UGT8: variants seen among roughly 807,000 people sequenced by gnomAD.
UGT8 encodes 2-hydroxyacylsphingosine 1-beta-galactosyltransferase.
In UGT8, 12 loss-of-function variants were observed where a neutral mutation model predicts 40.5. The ratio of observed to expected loss-of-function variants is 0.30; its 90% CI spans 0.19 to 0.48. The LOEUF (loss-of-function observed/expected upper bound fraction) is 0.48. Ranked by LOEUF, UGT8 falls within the 20% of genes least tolerant of loss-of-function variation. The pLI is 0.99. For synonymous variants in UGT8, 224 were observed against 240.4 expected (o/e 0.93, Z 0.63); for missense variants, 513 against 648.7 (o/e 0.79, Z 2.27).
chr4:114,664,387 A>G (rs2126132735), intron 3 of UGT8, among the ~76,000 whole-genome samples: 1 of 152,334 alleles, frequency 6.6e-6, no homozygotes, highest in East Asian at 1.9e-4. Flanking sequence ...TCCTTGTGTC[A>G]GATGCATACT....
At chr4:114,662,742 A>G (rs777570451) in intron 2 of UGT8, among the ~76,000 whole-genome samples, 1 of 151,658 alleles carries the variant, frequency 6.6e-6, no homozygotes, top group Admixed American at 6.6e-5. Flanking sequence ...GAAAAAGGGA[A>G]AGGAAGGAAA....
intron 2 of UGT8, among the ~76,000 whole-genome samples, chr4:114,634,301 A>T (rs558350963): frequency 9.2e-5 from 14 of 152,328 alleles, no homozygotes; most frequent in Non-Finnish European, 1.9e-4. Context: ...TCAAAAGTCA[A>T]ATTGATGTTT....
rs147646379 is a variant in UGT8 at position 114,645,057 on chromosome 4, C to A, written c.823-18938C>A. On this transcript the variant is annotated intron_variant, in intron 2 of 5. Coordinates refer to ENST00000310836, the MANE Select transcript of UGT8 (RefSeq NM_001128174.3). ...TGCAGTTCACAGACAGACTTCCTAA[C>A]CATCTTCAAGGTTTGGAAAATATAA... 6.1e-3 allele frequency among the ~76,000 whole-genome samples: 935 copies of A among 152,274 alleles called. 13 individuals are homozygous for A. Among genetic ancestry groups the A allele is most frequent in the African/African-American group, 0.021 (893 of 41,544 alleles).
chr4:114,651,235 A>G (rs7679466), intron 2 of UGT8, among the ~76,000 whole-genome samples: 142,070 of 152,088 alleles, frequency 0.93, 67,175 homozygotes, highest in East Asian at 1. Context: ...GTCTCTTACC[A>G]ATTTTCCTGT....
chr4:114,675,760 A>AC (rs1735596345), intron 5 of UGT8, 165 bp from the exon 6 acceptor site: 1 of 410,890 alleles, frequency 2.4e-6, no homozygotes, highest in Non-Finnish European at 3.3e-6. Flanking sequence ...AAAAAAAAAA[A>AC]AAAAAAGATA....
chr4:114,640,816 G>A (rs191925490), intron 2 of UGT8, among the ~76,000 whole-genome samples: 1 of 152,074 alleles, frequency 6.6e-6, no homozygotes. Context: ...AGAACAGCAC[G>A]GGAAAGACTT....
At chr4:114,632,935 C>T (rs1192476315) in intron 2 of UGT8, among the ~76,000 whole-genome samples, 1 of 152,130 alleles carries the variant, frequency 6.6e-6, no homozygotes, top group Non-Finnish European at 1.5e-5. Flanking sequence ...TGAAAAGCAA[C>T]TTAATTGACT....
chr4:114,669,825 G>A (rs1222192866), intron 5 of UGT8, among the ~76,000 whole-genome samples: 1 of 152,136 alleles, frequency 6.6e-6, no homozygotes. Flanking sequence ...TTAACTGAAA[G>A]GATTTTGTGC....
chr4:114,610,984 A>G (rs972680620), intron 1 of UGT8, among the ~76,000 whole-genome samples: 4 of 152,148 alleles, frequency 2.6e-5, no homozygotes, highest in African/African-American at 9.6e-5. Context: ...CTAATGTTGT[A>G]TTGAAAAGCT....
At chr4:114,614,840 CTTTTTTTT>C (rs68162513) in intron 1 of UGT8, among the ~76,000 whole-genome samples, 3 of 98,532 alleles carry the variant, frequency 3.0e-5, no homozygotes, top group African/African-American at 1.1e-4. Flanking sequence ...AGGTGCCAGA[CTTTTTTTT>C]TTTTTTTTTT....
At chr4:114,608,042 G>A (rs927912922) in intron 1 of UGT8, among the ~76,000 whole-genome samples, 1 of 152,164 alleles carries the variant, frequency 6.6e-6, no homozygotes, top group Non-Finnish European at 1.5e-5. Flanking sequence ...GCTGTCTATT[G>A]TCTAGCTGCT....
At position 114,632,934 on chromosome 4, in the gene UGT8, A is replaced by G. The variant is rs141593064; in HGVS notation, c.822+9232A>G. On this transcript the variant is annotated intron_variant, in intron 2 of 5. Transcript: ENST00000310836. ...CCAGACTTTTTATCAGTGAAAAGCA[A>G]CTTAATTGACTTGATAAATATTGTT... is the stretch of plus-strand genomic sequence containing the variant. 7.2e-3 allele frequency among the ~76,000 whole-genome samples: 1,098 copies of G among 152,346 alleles called. 15 individuals carry two copies. The highest frequency in any genetic ancestry group is 0.024 in the African/African-American group (1,017 of 41,582).
intron 1 of UGT8, among the ~76,000 whole-genome samples, chr4:114,604,435 C>T (rs1730613770): frequency 2.0e-5 from 3 of 147,834 alleles, no homozygotes; most frequent in Admixed American, 6.7e-5. Flanking sequence ...AGGGGAAGGA[C>T]TGATTTGTAG....
intron 2 of UGT8, among the ~76,000 whole-genome samples, chr4:114,654,655 G>A (rs1734068675): frequency 6.6e-6 from 1 of 152,044 alleles, no homozygotes; most frequent in African/African-American, 2.4e-5. Context: ...TCTTCATGTT[G>A]CCTTCTTTAC....
At chr4:114,605,221 T>C (rs1730668358) in intron 1 of UGT8, among the ~76,000 whole-genome samples, 1 of 152,162 alleles carries the variant, frequency 6.6e-6, no homozygotes, top group African/African-American at 2.4e-5. Flanking sequence ...GGTCAGTTCG[T>C]ATTCTCTGGA....
At chr4:114,663,846 C>A (rs1578464465) in intron 2 of UGT8, 149 bp from the exon 3 acceptor site, 4 of 1,399,992 alleles carry the variant, frequency 2.9e-6, no homozygotes, top group Non-Finnish European at 2.8e-6. Flanking sequence ...TAAACAAAAG[C>A]AGTTATTTAG....
chr4:114,647,813 T>A (rs1352193691), intron 2 of UGT8, among the ~76,000 whole-genome samples: 1 of 152,198 alleles, frequency 6.6e-6, no homozygotes, highest in Non-Finnish European at 1.5e-5. Context: ...GAAGACAGAA[T>A]TTGAACTCAG....
intron 2 of UGT8, among the ~76,000 whole-genome samples, chr4:114,653,711 A>G (rs1734013897): frequency 6.6e-6 from 1 of 152,066 alleles, no homozygotes; most frequent in Non-Finnish European, 1.5e-5. Flanking sequence ...CTGGGCTACA[A>G]TTTACAGAGA....
intron 1 of UGT8, among the ~76,000 whole-genome samples, chr4:114,614,734 G>A (rs1731295285): frequency 6.6e-6 from 1 of 152,034 alleles, no homozygotes; most frequent in African/African-American, 2.4e-5. Context: ...GTAATGTGGA[G>A]GATTTTGAAA....
Sources: allele counts gnomAD v4.1 joint callset (sites outside exome capture counted in the v4.1 genomes callset), GRCh38; gene constraint gnomAD v4.1.1; transcripts MANE v1.5; gene names NCBI Gene and HGNC (gene_info 2026-07-23, HGNC 2026-07-21).